The following KRT2 variants were observed in gnomAD, a reference collection of about 807,000 sequenced individuals.
KRT2 encodes the protein keratin 2.
In KRT2, 37 loss-of-function variants were observed where a neutral mutation model predicts 48.5. The observed-to-expected ratio is 0.76, with a 90% CI of 0.59 to 1.00. The LOEUF is 1.00. Among genes scored for constraint, KRT2 ranks in the 50% least tolerant of loss-of-function variants. KRT2 has a pLI of 0.00. For synonymous variants in KRT2, 324 were observed against 312.2 expected (o/e 1.04, Z -0.40); for missense variants, 880 against 815.2 (o/e 1.08, Z -0.97).
intron 6 of KRT2, 84 bp downstream of exon 6, chr12:52,647,646 C>T (rs1295842152): frequency 1.3e-6 from 2 of 1,515,950 alleles, no homozygotes; most frequent in African/African-American, 2.7e-5. Context: ...TCTCATCTCT[C>T]ACATGCACAC....
chr12:52,647,035 A>G, intron 6 of KRT2, 75 bp from the exon 7 acceptor site: 1 of 1,378,524 alleles, frequency 7.3e-7, no homozygotes. Flanking sequence ...AAGTGCAGGA[A>G]GCCAGAACCA....
intron 7 of KRT2, among the ~76,000 whole-genome samples, chr12:52,646,419 G>C (rs1428273988): frequency 6.6e-6 from 1 of 152,204 alleles, no homozygotes; most frequent in Non-Finnish European, 1.5e-5. Context: ...TATGGACCTA[G>C]AGACCAAAGT....
At position 52,649,008 on chromosome 12, in the gene KRT2, G is replaced by T; in HGVS notation, c.956C>A (p.Ala319Glu). Residue 319 changes from alanine to glutamate, a missense_variant and splice_region_variant, in exon 4 of 9, where the codon GCG becomes GAG. By Grantham distance (107) the Ala-to-Glu change is moderately radical. Transcript: ENST00000309680. ...ACTGTCCCGGAGCAGCCTCCTTACC[G>T]CATCATAGAGAACTTTCAGAAACTC... Reference protein sequence around the residue: ...EIEFLKVLYDAEISQIHQSVT... With the variant: ...EIEFLKVLYDEEISQIHQSVT... 1.3e-6 allele frequency: 2 copies of T among 1,586,740 alleles called. No homozygotes were observed. Among genetic ancestry groups the T allele is most frequent in the Middle Eastern group, 1.7e-4 (1 of 6,002 alleles).
intron 4 of KRT2, 97 bp downstream of exon 4, chr12:52,648,910 T>G (rs2120947622): frequency 2.4e-6 from 2 of 825,084 alleles, no homozygotes; most frequent in Non-Finnish European, 4.3e-6. Flanking sequence ...AGCTGGTCCA[T>G]AAACCCCACT....
At chr12:52,650,939 G>A (rs1006547936) in intron 1 of KRT2, among the ~76,000 whole-genome samples, 2 of 152,200 alleles carry the variant, frequency 1.3e-5, no homozygotes, top group African/African-American at 4.8e-5. Flanking sequence ...TGCTGAGTAT[G>A]AGAGTCCCAG....
Position 52,650,548 on chromosome 12 carries a change from C to A in KRT2, c.591G>T (p.Arg197=), listed in dbSNP as rs761769026. 143 of 1,611,702 alleles carry A rather than the reference C, an allele frequency of 8.9e-5. No homozygotes were observed. The highest frequency in any genetic ancestry group is 1.1e-4 in the Non-Finnish European group (128 of 1,179,570). The change falls in exon 2 of 9, where the codon CGG becomes CGT. Residue 197 remains arginine (R), a synonymous_variant. Coordinates refer to ENST00000309680, the MANE Select transcript of KRT2 (RefSeq NM_000423.3). ...NKFASFIDKV[R]FLEQQNQVLQ... ...ACACCTGGTTCTGCTGCTCCAAGAACCGCACCTGCCATGACCAGAAGGAGA... is the reference window on the plus strand; with the variant it reads ...ACACCTGGTTCTGCTGCTCCAAGAAACGCACCTGCCATGACCAGAAGGAGA...
chr12:52,651,551 GA>G lies in KRT2; in HGVS notation c.585+6del. On this transcript the variant is annotated splice_donor_region_variant and intron_variant, in intron 1 of 8. Transcript: ENST00000309680. ...GCATCAGTGGGAGCCGTCTTCTCCA[GA>G]GTCACCTTGTCAATGAAGGAGGCAA... is the stretch of plus-strand genomic sequence containing the variant. 6.2e-7 allele frequency: 1 copy of G among 1,603,208 alleles called. No individual in the cohort carries two copies.
At chr12:52,649,219 A>G (rs1225058910) in intron 3 of KRT2, 117 bp from the exon 4 acceptor site, 2 of 737,820 alleles carry the variant, frequency 2.7e-6, no homozygotes, top group Non-Finnish European at 5.0e-6. Context: ...AGGCTCCCCA[A>G]CCTGATCCCT....
At position 52,652,143 on chromosome 12, in the gene KRT2, G is replaced by T. The variant is rs1275200810; in HGVS notation, c.-1C>A. Reference sequence around the variant, plus strand: ...ATTTGCAAGAGATCTGACAACTCATGATGCCTTTGTCCAGGGAGGAAAGTC... The same window carrying T: ...ATTTGCAAGAGATCTGACAACTCATTATGCCTTTGTCCAGGGAGGAAAGTC... On this transcript the variant is annotated 5_prime_UTR_variant, in exon 1 of 9. Coordinates refer to ENST00000309680, the MANE Select transcript of KRT2 (RefSeq NM_000423.3). The T allele has an allele frequency of 3.3e-6, 5 of 1,538,306 alleles. No homozygotes were observed. In the Admixed American group the frequency reaches 9.7e-5, roughly 30 times the overall value.
Position 52,645,137 on chromosome 12 carries a change from C to A in KRT2, c.1802G>T (p.Gly601Val), listed in dbSNP as rs768945118. 1.2e-6 allele frequency: 2 copies of A among 1,613,754 alleles called. No homozygotes were observed. Among genetic ancestry groups the A allele is most frequent in the Non-Finnish European group, 1.7e-6 (2 of 1,179,988 alleles). The change falls in exon 9 of 9, where the codon GGC becomes GTC. Residue 601 changes from glycine to valine, a missense_variant. Gly to Val is a moderately radical substitution (Grantham distance 109). Coordinates refer to ENST00000309680, the MANE Select transcript of KRT2 (RefSeq NM_000423.3). ...SGGGKHSSGG[G>V]SRGGSSSGGG... ...TCCAGAGCTGGAGCCTCCTCTAGAG[C>A]CACCTCCAGAGCTGTGTTTTCCACC...
In KRT2 at chr12:52,646,799, C is replaced by G. The variant is rs1941169208; in HGVS notation, c.1410G>C (p.Lys470Asn). 4.3e-6 allele frequency: 7 copies of G among 1,614,060 alleles called. No homozygotes were observed. The South Asian group carries it at 7.7e-5, about 18-fold the overall frequency. Residue 470 changes from lysine to asparagine, a missense_variant, in exon 7 of 9, where the codon AAG becomes AAC. Physicochemically the swap from Lys to Asn is moderately conservative, Grantham distance 94 (BLOSUM62 0). Coordinates refer to ENST00000309680, the MANE Select transcript of KRT2 (RefSeq NM_000423.3). Reference protein sequence around the residue: ...LRDYQELMNVKLALDVEIATY... With the variant: ...LRDYQELMNVNLALDVEIATY... ...TGGCGATCTCCACATCTAGGGCCAG[C>G]TTCACGTTCATCAGCTCCTGGTAGT...
intron 2 of KRT2, 134 bp from the exon 3 acceptor site, chr12:52,650,108 C>G: frequency 1.3e-6 from 1 of 790,790 alleles, no homozygotes; most frequent in Non-Finnish European, 2.2e-6. Context: ...TAAATTGAAA[C>G]TAAGATTTCC....
chr12:52,647,618 G>A, intron 6 of KRT2, 112 bp downstream of exon 6: 1 of 1,265,768 alleles, frequency 7.9e-7, no homozygotes, highest in Non-Finnish European at 1.1e-6. Context: ...ACATGCTAGA[G>A]TGCAATATCT....
At chr12:52,650,005 A>T (rs1438361695) in intron 2 of KRT2, 31 bp from the exon 3 acceptor site, 1 of 1,538,072 alleles carries the variant, frequency 6.5e-7, no homozygotes, top group East Asian at 2.2e-5. Context: ...CAGCAGTTAG[A>T]TTAGTTCCCC....
At position 52,644,861 on chromosome 12, in the gene KRT2, T is replaced by G; in HGVS notation, c.*158A>C. 1 of 756,210 alleles carries G rather than the reference T, an allele frequency of 1.3e-6. No individual in the cohort carries two copies. The highest frequency in any genetic ancestry group is 2.2e-6 in the Non-Finnish European group (1 of 462,812). The allele number at this position is 756,210 out of a possible 1,614,324, so 46.8% of individuals were successfully genotyped here. Reference sequence around the variant, plus strand: ...CTAACTGGTTTGGAGAGAAGATCTTTCAAAAACTGTATGTGGACATTCTTT... The same window carrying G: ...CTAACTGGTTTGGAGAGAAGATCTTGCAAAAACTGTATGTGGACATTCTTT... On this transcript the variant is annotated 3_prime_UTR_variant, in exon 9 of 9. Transcript: ENST00000309680.
At position 52,644,630 on chromosome 12, in the gene KRT2, G is replaced by T; in HGVS notation, c.*389C>A. ...TCCGAAAGCAGAGTGGACAAGAGGA[G>T]CTATATACACAGAAACACATTTCCC... On this transcript the variant is annotated 3_prime_UTR_variant, in exon 9 of 9. Transcript: ENST00000309680. The T allele has an allele frequency of 3.3e-6, 1 of 298,772 alleles. No individual in the cohort carries two copies. The highest frequency in any genetic ancestry group is 3.8e-5 in the South Asian group (1 of 26,182). 18.5% of individuals were successfully genotyped at this position (298,772 alleles called of 1,614,324 possible).
chr12:52,651,157 C>G (rs1270822407), intron 1 of KRT2, among the ~76,000 whole-genome samples: 1 of 152,232 alleles, frequency 6.6e-6, no homozygotes, highest in Non-Finnish European at 1.5e-5. Context: ...GCAGATATTT[C>G]AGGTTCAGCT....
At position 52,651,940 on chromosome 12, in the gene KRT2, C is replaced by G. The variant is rs756077444; in HGVS notation, c.203G>C (p.Gly68Ala). Residue 68 changes from glycine to alanine, a missense_variant, in exon 1 of 9, where the codon GGG (glycine) becomes GCG (alanine). Transcript: ENST00000309680. ...FGSRSLVGLG[G>A]TKSISISVAG... ...CACACTAATGGAGATGCTCTTGGTCCCTCCAAGGCCAACAAGACTCCGACT... is the reference window on the plus strand; with the variant it reads ...CACACTAATGGAGATGCTCTTGGTCGCTCCAAGGCCAACAAGACTCCGACT... 9.3e-6 allele frequency: 15 copies of G among 1,613,928 alleles called. No homozygotes were observed. Among genetic ancestry groups the G allele is most frequent in the Non-Finnish European group, 1.3e-5 (15 of 1,180,002 alleles).
At position 52,644,881 on chromosome 12, in the gene KRT2, T is replaced by C; in HGVS notation, c.*138A>G. 2 of 875,280 alleles carry C rather than the reference T, an allele frequency of 2.3e-6. No individual in the cohort carries two copies. Among genetic ancestry groups the C allele is most frequent in the Non-Finnish European group, 3.6e-6 (2 of 553,574 alleles). The allele number at this position is 875,280 out of a possible 1,614,324, so 54.2% of individuals were successfully genotyped here. On this transcript the variant is annotated 3_prime_UTR_variant, in exon 9 of 9. Transcript: ENST00000309680. The stretch of plus-strand genomic sequence containing the variant: ...ATCTTTCAAAAACTGTATGTGGACA[T>C]TCTTTTCCCTCAAAGTGCCATCAGA...
Sources: gnomAD v4.1 joint callset for allele counts (sites outside exome capture counted in the v4.1 genomes callset) on GRCh38, gnomAD v4.1.1 for gene constraint, MANE v1.5 for transcripts, NCBI Gene and HGNC (gene_info 2026-07-23, HGNC 2026-07-21) for gene names.